The following COL4A2 variants were observed in gnomAD, a reference collection of about 807,000 sequenced individuals.
COL4A2 encodes collagen type IV alpha 2 chain.
In COL4A2, 99 loss-of-function variants were observed where a neutral mutation model predicts 200.2. The observed-to-expected ratio is 0.49, with a 90% CI of 0.42 to 0.58. The LOEUF is 0.58. COL4A2 is among the 20% of genes least tolerant of loss of function. COL4A2 has a pLI of 0.00. For synonymous variants in COL4A2, 897 were observed against 900.6 expected (o/e 1.00, Z 0.07); for missense variants, 1,950 against 2,314.1 (o/e 0.84, Z 3.23).
At chr13:110,380,633 C>A (rs569830125) in intron 4 of COL4A2, among the ~76,000 whole-genome samples, 1 of 151,788 alleles carries the variant, frequency 6.6e-6, no homozygotes, top group East Asian at 1.9e-4. Context: ...CAGGGCTCTA[C>A]GTCACACCCA....
intron 3 of COL4A2, among the ~76,000 whole-genome samples, chr13:110,320,682 G>A (rs1011043351): frequency 1.5e-4 from 23 of 152,144 alleles, no homozygotes; most frequent in African/African-American, 4.8e-4. Flanking sequence ...ACAGAGCAGC[G>A]TCTCAAAGAA....
In COL4A2 at chr13:110,438,664, T is replaced by C; in HGVS notation, c.908T>C (p.Leu303Pro). 6.2e-7 allele frequency: 1 copy of C among 1,614,222 alleles called. No homozygotes were observed. Among genetic ancestry groups the C allele is most frequent in the Non-Finnish European group, 8.5e-7 (1 of 1,180,028 alleles). The part of the protein sequence containing the change: ...GEEGIMGFPG[L>P]RGYPGLSGEK... Reference sequence around the variant, plus strand: ...GAAGGAATCATGGGCTTTCCTGGACTGAGGGTAAACCACGCCTTTTATAAC... The same window carrying C: ...GAAGGAATCATGGGCTTTCCTGGACCGAGGGTAAACCACGCCTTTTATAAC... The change falls in exon 15 of 48, where the codon CTG becomes CCG. Residue 303 changes from leucine to proline, a missense_variant. Around this residue, in one of 2 missense-constraint regions of COL4A2, gnomAD observed 565 missense variants for 593.5 expected, o/e 0.95. Coordinates refer to ENST00000360467, the MANE Select transcript of COL4A2 (RefSeq NM_001846.4).
intron 4 of COL4A2, among the ~76,000 whole-genome samples, chr13:110,400,953 A>G (rs1038913540): frequency 2.6e-5 from 4 of 152,212 alleles, no homozygotes; most frequent in Non-Finnish European, 4.4e-5. Flanking sequence ...TGGGGCTTCC[A>G]TTGCCTCCTA....
At chr13:110,387,701 G>A (rs1042684480) in intron 4 of COL4A2, among the ~76,000 whole-genome samples, 13 of 152,228 alleles carry the variant, frequency 8.5e-5, no homozygotes, top group Admixed American at 5.9e-4. Context: ...CCGGAGACTC[G>A]GAGGCAGGCA....
At chr13:110,348,269 C>T (rs1337914800) in intron 3 of COL4A2, among the ~76,000 whole-genome samples, 1 of 152,204 alleles carries the variant, frequency 6.6e-6, no homozygotes, top group African/African-American at 2.4e-5. Context: ...CCATCTTGAG[C>T]TGGTGACTAG....
chr13:110,392,445 G>C (rs1879023201), intron 4 of COL4A2, among the ~76,000 whole-genome samples: 1 of 152,170 alleles, frequency 6.6e-6, no homozygotes, highest in South Asian at 2.1e-4. Flanking sequence ...CCAGGAGCTG[G>C]GACCCTCGAG....
chr13:110,449,577 T>G, intron 18 of COL4A2, 102 bp from the exon 19 acceptor site: 2 of 1,125,914 alleles, frequency 1.8e-6, no homozygotes, highest in South Asian at 1.6e-5. Context: ...GCATACAGCA[T>G]ATGGAGCATT....
At chr13:110,340,562 C>G (rs1876403669) in intron 3 of COL4A2, among the ~76,000 whole-genome samples, 2 of 152,204 alleles carry the variant, frequency 1.3e-5, no homozygotes, top group Admixed American at 1.3e-4. Context: ...ATCCCCTCCC[C>G]ACCTTGGGGA....
chr13:110,432,814 G>A (rs1177811064), intron 11 of COL4A2, among the ~76,000 whole-genome samples: 1 of 152,200 alleles, frequency 6.6e-6, no homozygotes, highest in Non-Finnish European at 1.5e-5. Flanking sequence ...GATATATTCA[G>A]TGATAATCAA....
At chr13:110,472,155 G>A (rs896506530) in intron 28 of COL4A2, among the ~76,000 whole-genome samples, 11 of 59,150 alleles carry the variant, frequency 1.9e-4, no homozygotes, top group South Asian at 1.1e-3. Flanking sequence ...TCACTCTGTC[G>A]CCCAGGCTGG....
At chr13:110,484,743 G>A (rs1046951182) in intron 32 of COL4A2, among the ~76,000 whole-genome samples, 162 bp from the exon 33 acceptor site, 5 of 152,028 alleles carry the variant, frequency 3.3e-5, no homozygotes, top group Admixed American at 6.5e-5. Flanking sequence ...CAACTACTCC[G>A]ATGGACACAG....
chr13:110,404,979 A>G (rs1566514800), intron 4 of COL4A2, among the ~76,000 whole-genome samples: 1 of 152,184 alleles, frequency 6.6e-6, no homozygotes, highest in Non-Finnish European at 1.5e-5. Flanking sequence ...GCCAGGCATG[A>G]TGGTGCATGC....
intron 4 of COL4A2, among the ~76,000 whole-genome samples, chr13:110,409,849 G>T (rs553942675): frequency 6.6e-6 from 1 of 152,272 alleles, no homozygotes; most frequent in East Asian, 1.9e-4. Context: ...GGGGAGTCTT[G>T]GGGGAGTGCA....
chr13:110,483,442 C>T (rs1231638946), intron 32 of COL4A2, among the ~76,000 whole-genome samples: 7 of 152,204 alleles, frequency 4.6e-5, no homozygotes, highest in African/African-American at 1.4e-4. Context: ...AAAATGTGGA[C>T]ACAAATCTCA....
intron 4 of COL4A2, among the ~76,000 whole-genome samples, chr13:110,405,949 C>T (rs1299632279): frequency 1.3e-5 from 2 of 152,152 alleles, no homozygotes; most frequent in Admixed American, 1.3e-4. Context: ...GCATTTGTGG[C>T]TGGAGGTCAT....
intron 3 of COL4A2, among the ~76,000 whole-genome samples, chr13:110,343,361 A>G (rs898484113): frequency 2.6e-5 from 4 of 152,190 alleles, no homozygotes; most frequent in Non-Finnish European, 5.9e-5. Context: ...TTTTATGCAC[A>G]GACCTTCTTC....
chr13:110,352,278 C>T (rs778167948), intron 3 of COL4A2, among the ~76,000 whole-genome samples: 9 of 152,280 alleles, frequency 5.9e-5, no homozygotes, highest in Admixed American at 4.6e-4. Flanking sequence ...AGCCCTAGGG[C>T]GCAGGCCTGA....
At chr13:110,338,865 T>TAAGGAGC (rs1876327111) in intron 3 of COL4A2, among the ~76,000 whole-genome samples, 1 of 152,104 alleles carries the variant, frequency 6.6e-6, no homozygotes, top group Non-Finnish European at 1.5e-5. Flanking sequence ...GCTTGTGGAG[T>TAAGGAGC]AAGGAGCTCG....
intron 3 of COL4A2, among the ~76,000 whole-genome samples, chr13:110,335,467 T>C (rs118146785): frequency 0.024 from 3,674 of 152,262 alleles, 136 homozygotes; most frequent in African/African-American, 0.082. Flanking sequence ...CTCTCTTGTC[T>C]GCCACCATGT....
Sources: gnomAD v4.1 joint callset for allele counts (sites outside exome capture counted in the v4.1 genomes callset) on GRCh38, gnomAD v4.1.1 for gene constraint, gnomAD v4.1.1 regional missense constraint, MANE v1.5 for transcripts, NCBI Gene and HGNC (gene_info 2026-07-23, HGNC 2026-07-21) for gene names.